The following THSD7A variants were observed in gnomAD, a reference collection of about 807,000 sequenced individuals.
The protein encoded by THSD7A is thrombospondin type-1 domain-containing protein 7A.
Under a neutral mutation model 231.3 loss-of-function variants are expected in THSD7A, and 96 were observed. The ratio of observed to expected loss-of-function variants is 0.41; its 90% CI spans 0.35 to 0.49. THSD7A has a LOEUF of 0.49. THSD7A is among the 20% of genes least tolerant of loss of function. The pLI is 0.05. For missense variants in THSD7A, 2,290 were observed against 2,070.2 expected (o/e 1.11, Z -2.06); for synonymous variants, 940 against 743.3 (o/e 1.26, Z -4.30).
At chr7:11,772,558 T>C (rs137898692) in intron 1 of THSD7A, among the ~76,000 whole-genome samples, 2 of 152,154 alleles carry the variant, frequency 1.3e-5, no homozygotes, top group African/African-American at 4.8e-5. Context: ...AAAGAAATCA[T>C]GTCCTTTACA....
intron 8 of THSD7A, among the ~76,000 whole-genome samples, chr7:11,470,275 A>G (rs1473345634): frequency 6.6e-6 from 1 of 152,106 alleles, no homozygotes; most frequent in African/African-American, 2.4e-5. Context: ...TTATCCTCTT[A>G]TAATCTCTCC....
At chr7:11,440,942 A>C (rs900881037) in intron 13 of THSD7A, among the ~76,000 whole-genome samples, 5 of 152,078 alleles carry the variant, frequency 3.3e-5, no homozygotes, top group African/African-American at 1.2e-4. Context: ...CATGCAACAG[A>C]GAACTCTTTA....
At chr7:11,460,188 A>T (rs1343373418) in intron 11 of THSD7A, among the ~76,000 whole-genome samples, 1 of 152,208 alleles carries the variant, frequency 6.6e-6, no homozygotes, top group Non-Finnish European at 1.5e-5. Flanking sequence ...AGAATTGTGG[A>T]TAGCCATGAA....
intron 26 of THSD7A, 49 bp downstream of exon 26, chr7:11,379,021 C>T (rs1401225082): frequency 1.3e-6 from 2 of 1,580,904 alleles, no homozygotes; most frequent in East Asian, 2.3e-5. Context: ...TTTGGCATTG[C>T]CTAAAAGAAC....
chr7:11,799,909 A>C (rs535888213), intron 1 of THSD7A, among the ~76,000 whole-genome samples: 45 of 152,362 alleles, frequency 3.0e-4, no homozygotes, highest in African/African-American at 9.1e-4. Context: ...TCAAGATTAC[A>C]CTATTAATTA....
At chr7:11,744,610 AG>A (rs1782221496) in intron 1 of THSD7A, among the ~76,000 whole-genome samples, 1 of 97,840 alleles carries the variant, frequency 1.0e-5, no homozygotes, top group Admixed American at 1.4e-4. Context: ...ACCCCACAAC[AG>A]GCCCCAGTGT....
chr7:11,807,305 C>T (rs1351919806), intron 1 of THSD7A, among the ~76,000 whole-genome samples: 4 of 152,004 alleles, frequency 2.6e-5, no homozygotes, highest in Admixed American at 6.6e-5. Context: ...AATTTATTTG[C>T]GTCAATATTT....
At chr7:11,681,286 A>G (rs969451609) in intron 1 of THSD7A, among the ~76,000 whole-genome samples, 5 of 151,854 alleles carry the variant, frequency 3.3e-5, no homozygotes, top group African/African-American at 1.2e-4. Context: ...ACCACCATGT[A>G]CATTCTAGGC....
At position 11,406,539 on chromosome 7, in the gene THSD7A, T is replaced by C. The variant is rs1783589017; in HGVS notation, c.4063-65A>G. On this transcript the variant is annotated intron_variant, in intron 21 of 27. Transcript: ENST00000423059. The surrounding 1 kb of genome is among the most constrained non-coding windows in gnomAD (Gnocchi z 4.7). Reference sequence around the variant, plus strand: ...ATACTTCATTAGAGAGCTCATCACTTAGTTATCTCTGCACCACTGACTTTG... The same window carrying C: ...ATACTTCATTAGAGAGCTCATCACTCAGTTATCTCTGCACCACTGACTTTG... 6.9e-7 allele frequency: 1 copy of C among 1,442,116 alleles called. No individual in the cohort carries two copies. Among genetic ancestry groups the C allele is most frequent in the South Asian group, 1.4e-5 (1 of 70,650 alleles). The allele number at this position is 1,442,116 out of a possible 1,614,324, so 89.3% of individuals were successfully genotyped here.
At chr7:11,656,846 G>A (rs770676326) in intron 1 of THSD7A, among the ~76,000 whole-genome samples, 4 of 151,774 alleles carry the variant, frequency 2.6e-5, no homozygotes, top group Non-Finnish European at 5.9e-5. Flanking sequence ...GTATGTTATT[G>A]TAAGAAAAAT....
intron 11 of THSD7A, among the ~76,000 whole-genome samples, chr7:11,457,493 A>G (rs1403048256): frequency 6.6e-6 from 1 of 151,928 alleles, no homozygotes; most frequent in African/African-American, 2.4e-5. Context: ...CCTATTTCAT[A>G]TTACTGTTGT....
intron 1 of THSD7A, among the ~76,000 whole-genome samples, chr7:11,640,503 G>A (rs370323510): frequency 2.4e-4 from 37 of 151,986 alleles, no homozygotes; most frequent in South Asian, 2.1e-4. Flanking sequence ...AATCAGAACC[G>A]CAGTGTAACC....
At chr7:11,586,528 G>A (rs1377877751) in intron 4 of THSD7A, among the ~76,000 whole-genome samples, 1 of 152,086 alleles carries the variant, frequency 6.6e-6, no homozygotes, top group Admixed American at 6.6e-5. Flanking sequence ...TGAGGAACAG[G>A]AAAGACACAG....
chr7:11,593,320 T>G lies in THSD7A; in HGVS notation c.1205A>C (p.Glu402Ala), dbSNP rs1209150502. 1.9e-6 allele frequency: 3 copies of G among 1,613,982 alleles called. No homozygotes were observed. In the South Asian group the frequency reaches 3.3e-5, roughly 18 times the overall value. The change falls in exon 3 of 28, where the codon GAG becomes GCG. Residue 402 changes from glutamate (E) to alanine (A), a missense_variant. By Grantham distance (107) the Glu-to-Ala change is moderately radical (BLOSUM62 -1). Coordinates refer to ENST00000423059, the MANE Select transcript of THSD7A (RefSeq NM_015204.3). ...IRQFPIGSEK[E>A]CPEFEEKEPC... ...TTCTTTTTCTTCAAATTCTGGACACTCCTTTTCACTGCCAATGGGAAACTG... is the reference window on the plus strand; with the variant it reads ...TTCTTTTTCTTCAAATTCTGGACACGCCTTTTCACTGCCAATGGGAAACTG...
rs188995285 is a variant in THSD7A, at chr7:11,506,967, C to T, written c.1823-24985G>A. Among the ~76,000 whole-genome samples, 444 of 152,280 alleles carry T rather than the reference C, an allele frequency of 2.9e-3. 2 individuals carry two copies. The highest frequency in any genetic ancestry group is 0.01 in the African/African-American group (433 of 41,552). ...GTTTATTTTCTGTCTCTTCTCCCTA[C>T]AATGTAAGTTCTACCAGGTCAGGGG... On this transcript the variant is annotated intron_variant, in intron 6 of 27. Transcript: ENST00000423059.
At chr7:11,721,263 T>C (rs182358891) in intron 1 of THSD7A, among the ~76,000 whole-genome samples, 130 of 151,956 alleles carry the variant, frequency 8.6e-4, no homozygotes, top group African/African-American at 2.9e-3. Flanking sequence ...TCCTGTCAAA[T>C]TGTAATCCCC....
At chr7:11,497,091 G>A (rs986404687) in intron 6 of THSD7A, among the ~76,000 whole-genome samples, 4 of 152,168 alleles carry the variant, frequency 2.6e-5, no homozygotes, top group African/African-American at 9.7e-5. Context: ...TACAATCATG[G>A]TGGAAGGGGA....
chr7:11,605,512 C>T (rs1020302207), intron 2 of THSD7A, among the ~76,000 whole-genome samples: 1 of 152,098 alleles, frequency 6.6e-6, no homozygotes, highest in African/African-American at 2.4e-5. Context: ...GACCCCCGCT[C>T]CATGCTACAA....
At chr7:11,605,254 T>C (rs2128346394) in intron 2 of THSD7A, among the ~76,000 whole-genome samples, 1 of 152,282 alleles carries the variant, frequency 6.6e-6, no homozygotes, top group African/African-American at 2.4e-5. Context: ...TTTAAACTTT[T>C]CTTCCTAATA....
Sources: gnomAD v4.1 joint callset for allele counts (sites outside exome capture counted in the v4.1 genomes callset) on GRCh38, gnomAD v4.1.1 for gene constraint, Gnocchi (gnomAD v3.1) non-coding constraint, MANE v1.5 for transcripts, NCBI Gene and HGNC (gene_info 2026-07-23, HGNC 2026-07-21) for gene names.